The following NUP98 variants were observed in gnomAD, a reference collection of about 807,000 sequenced individuals.
NUP98 encodes the protein nucleoporin 98 and 96 precursor, also known as nuclear pore complex protein Nup98-Nup96.
NUP98 carries 26 observed loss-of-function variants against 191.9 expected under a neutral mutation model. That is an observed-to-expected ratio of 0.14 (90% CI 0.10 to 0.19). NUP98 has a LOEUF of 0.19. Among genes scored for constraint, NUP98 ranks in the 10% least tolerant of loss-of-function variants. The pLI is 1.00. For missense variants in NUP98, 1,941 were observed against 2,178.8 expected (o/e 0.89, Z 2.17); for synonymous variants, 808 against 778.4 (o/e 1.04, Z -0.63).
intron 28 of NUP98, 46 bp downstream of exon 28, chr11:3,691,301 G>T: frequency 3.1e-6 from 5 of 1,611,806 alleles, no homozygotes. Flanking sequence ...ACTCCCCTGG[G>T]GCTCATGGAG....
intron 4 of NUP98, 24 bp downstream of exon 4, chr11:3,778,849 G>T: frequency 6.2e-7 from 1 of 1,605,460 alleles, no homozygotes; most frequent in South Asian, 1.1e-5. Context: ...ATTAGATGCA[G>T]AACTCCAGTG....
intron 1 of NUP98, among the ~76,000 whole-genome samples, chr11:3,785,718 C>A (rs140041820): frequency 6.6e-6 from 1 of 152,128 alleles, no homozygotes; most frequent in Non-Finnish European, 1.5e-5. Context: ...GAGATCGTGC[C>A]ACTGCACTCC....
intron 31 of NUP98, among the ~76,000 whole-genome samples, chr11:3,677,626 A>G (rs1589941233): frequency 1.3e-5 from 2 of 152,216 alleles, no homozygotes; most frequent in African/African-American, 4.8e-5. Flanking sequence ...TCTCCCCCAC[A>G]AAATCATTAT....
intron 10 of NUP98, among the ~76,000 whole-genome samples, chr11:3,754,850 G>A (rs1361569112): frequency 6.7e-6 from 1 of 148,862 alleles, no homozygotes; most frequent in African/African-American, 2.5e-5. Flanking sequence ...GCTGAAGCAG[G>A]AGAATTGCTT....
intron 4 of NUP98, among the ~76,000 whole-genome samples, chr11:3,777,433 C>T (rs138666767): frequency 0.017 from 2,523 of 151,524 alleles, 69 homozygotes; most frequent in African/African-American, 0.058. Flanking sequence ...CCAGCCTGGC[C>T]AATATGGTGA....
chr11:3,789,501 C>CTTTT (rs914589009), intron 1 of NUP98, among the ~76,000 whole-genome samples: 373 of 122,984 alleles, frequency 3.0e-3, no homozygotes, highest in Non-Finnish European at 5.3e-3. Context: ...TTACCTATTT[C>CTTTT]TTTTTTTTTT....
rs554854908 is a variant in NUP98, at chr11:3,763,638, G to T, written c.949-599C>A. ...AGTGGCACAATCTCGGCTCACTGCA[G>T]CCTCTGTTCAAGTGATTCTCTCGCC... On this transcript the variant is annotated intron_variant, in intron 8 of 32. Transcript: ENST00000324932. Among the ~76,000 whole-genome samples, 19 of 152,146 alleles carry T rather than the reference G, an allele frequency of 1.2e-4. No homozygotes were observed. In the South Asian group the frequency reaches 2.9e-3, roughly 23 times the overall value.
At position 3,782,120 on chromosome 11, in the gene NUP98, TC is replaced by T; in HGVS notation, c.-4del. The T allele has an allele frequency of 6.2e-7, 1 of 1,605,432 alleles. No individual in the cohort carries two copies. The highest frequency in any genetic ancestry group is 2.2e-5 in the East Asian group (1 of 44,758). ...GTTCCAAATGATTTGTTAAACATCT[TC>T]AAAATGAGTCTTTGTTTCAGAAAGC... On this transcript the variant is annotated 5_prime_UTR_variant, in exon 2 of 33. Transcript: ENST00000324932.
chr11:3,770,921 G>A (rs1377640246), intron 7 of NUP98, among the ~76,000 whole-genome samples: 1 of 152,000 alleles, frequency 6.6e-6, no homozygotes, highest in South Asian at 2.1e-4. Flanking sequence ...GGAGTGCAAT[G>A]GTGTGATCTC....
chr11:3,792,124 A>G (rs1226270228), intron 1 of NUP98, among the ~76,000 whole-genome samples: 5 of 143,244 alleles, frequency 3.5e-5, no homozygotes, highest in African/African-American at 1.3e-4. Context: ...GCTTGCAATA[A>G]GCCGAGATCG....
chr11:3,755,004 C>T (rs959069491), intron 10 of NUP98, among the ~76,000 whole-genome samples: 2 of 150,720 alleles, frequency 1.3e-5, no homozygotes, highest in Non-Finnish European at 3.0e-5. Context: ...TGTACTGCTG[C>T]CATTACTTTT....
chr11:3,726,039 C>T (rs1440401513), intron 14 of NUP98, among the ~76,000 whole-genome samples: 1 of 152,110 alleles, frequency 6.6e-6, no homozygotes, highest in Non-Finnish European at 1.5e-5. Flanking sequence ...TCTAACTTAG[C>T]CTAATGTAAG....
intron 11 of NUP98, among the ~76,000 whole-genome samples, chr11:3,751,086 C>T (rs1052685445): frequency 6.6e-6 from 1 of 152,124 alleles, no homozygotes. Flanking sequence ...AGGCCGGGCA[C>T]GATGGCTCAC....
intron 1 of NUP98, among the ~76,000 whole-genome samples, chr11:3,782,814 C>A (rs920297991): frequency 6.6e-6 from 1 of 152,064 alleles, no homozygotes; most frequent in Non-Finnish European, 1.5e-5. Flanking sequence ...GAGATTACAC[C>A]ACCAAAGTGC....
Position 3,677,418 on chromosome 11 carries a change from T to G in NUP98, c.5074-798A>C, listed in dbSNP as rs571934752. On this transcript the variant is annotated intron_variant, in intron 31 of 32. Coordinates refer to ENST00000324932, the MANE Select transcript of NUP98 (RefSeq NM_016320.5). Reference sequence around the variant, plus strand: ...GTTTTTATGTAACATAGGTTTTTTTTTTTTTTTTTTGGGAGAAGGGGGGTC... The same window carrying G: ...GTTTTTATGTAACATAGGTTTTTTTGTTTTTTTTTTGGGAGAAGGGGGGTC... Among the ~76,000 whole-genome samples the G allele has an allele frequency of 3.3e-5, 5 of 151,186 alleles. No homozygotes were observed. The East Asian group carries it at 7.8e-4, about 24-fold the overall frequency.
intron 10 of NUP98, among the ~76,000 whole-genome samples, chr11:3,754,539 T>C (rs112663043): frequency 6.6e-6 from 1 of 152,200 alleles, no homozygotes; most frequent in African/African-American, 2.4e-5. Context: ...AGCTTTTATT[T>C]TGAATAGATG....
chr11:3,699,370 A>C, intron 24 of NUP98, 22 bp from the exon 25 acceptor site: 1 of 1,609,656 alleles, frequency 6.2e-7, no homozygotes, highest in Non-Finnish European at 8.5e-7. Context: ...AGAGAAAAAC[A>C]ATGTTACGAG....
intron 25 of NUP98, chr11:3,696,933 GAAGA>G (rs1425053649): frequency 6.6e-6 from 1 of 152,152 alleles, no homozygotes; most frequent in Non-Finnish European, 1.5e-5. Flanking sequence ...AAATAAACAG[GAAGA>G]AAGTGGAGTT....
Position 3,676,292 on chromosome 11 carries a change from T to A in NUP98, c.5270A>T (p.Asp1757Val), listed in dbSNP as rs200587450. 1.7e-5 allele frequency: 27 copies of A among 1,614,076 alleles called. No individual in the cohort carries two copies. In the Admixed American group the frequency reaches 4.5e-4, roughly 27 times the overall value. ...PPDRTSDSTPDPQRVPLRLLA... is the reference protein window; with the variant it reads ...PPDRTSDSTPVPQRVPLRLLA... ...GAGGCGCAAAGGGACTCGCTGAGGG[T>A]CTGGTGTTGAGTCGGAGGTTCTATC... The change falls in exon 33 of 33, where the codon GAC becomes GTC. Residue 1757 changes from aspartate to valine, a missense_variant. Physicochemically the swap from Asp to Val is radical, Grantham distance 152. This residue lies in a region of NUP98 where 1,030 missense variants were observed against 1,115.8 expected (regional missense o/e 0.92). Coordinates refer to ENST00000324932, the MANE Select transcript of NUP98 (RefSeq NM_016320.5).
Sources: allele counts gnomAD v4.1 joint callset (sites outside exome capture counted in the v4.1 genomes callset), GRCh38; gene constraint gnomAD v4.1.1; regional missense constraint gnomAD v4.1.1; transcripts MANE v1.5; gene names NCBI Gene and HGNC (gene_info 2026-07-23, HGNC 2026-07-21).